LSM12: variants seen among roughly 807,000 people sequenced by gnomAD.
LSM12 encodes protein LSM12.
For missense variants in LSM12, 108 were observed against 238.9 expected, an observed-to-expected ratio of 0.45 and a Z score of 3.61; for synonymous variants, 74 against 87.3, an observed-to-expected ratio of 0.85 and a Z score of 0.85.
chr17:44,059,945 AC>A (rs1165625563), intron 2 of LSM12, among the ~76,000 whole-genome samples: 2 of 152,142 alleles, frequency 1.3e-5, no homozygotes, highest in Admixed American at 1.3e-4. Flanking sequence ...CGGGCGGATC[AC>A]AAGGTCAGGA....
chr17:44,046,759 C>A (rs796208842), intron 2 of LSM12, among the ~76,000 whole-genome samples: 1 of 68,386 alleles, frequency 1.5e-5, no homozygotes, highest in Admixed American at 2.0e-4. Context: ...TTTTTTTTTT[C>A]TTTTTTTTTT....
chr17:44,050,109 A>AT (rs1462317375), intron 2 of LSM12, among the ~76,000 whole-genome samples: 2 of 151,686 alleles, frequency 1.3e-5, no homozygotes, highest in Admixed American at 6.6e-5. Flanking sequence ...TTTTATTTTT[A>AT]TTTTTTTGAG....
intron 2 of LSM12, among the ~76,000 whole-genome samples, chr17:44,059,152 G>A (rs1359813162): frequency 5.3e-5 from 8 of 152,040 alleles, no homozygotes; most frequent in African/African-American, 1.9e-4. Flanking sequence ...CTGGTCAACA[G>A]AATGAGACTA....
chr17:44,063,527 T>G (rs1454555737), intron 2 of LSM12, among the ~76,000 whole-genome samples: 1 of 152,134 alleles, frequency 6.6e-6, no homozygotes. Context: ...GCACTATTAG[T>G]TCATCATGAA....
intron 2 of LSM12, among the ~76,000 whole-genome samples, chr17:44,058,612 C>A (rs930265907): frequency 1.3e-5 from 2 of 152,068 alleles, no homozygotes; most frequent in Non-Finnish European, 2.9e-5. Flanking sequence ...GCGGGTGGAT[C>A]ATGAGGTCAG....
intron 2 of LSM12, among the ~76,000 whole-genome samples, chr17:44,051,991 C>T (rs1308881521): frequency 6.6e-6 from 1 of 151,986 alleles, no homozygotes; most frequent in African/African-American, 2.4e-5. Flanking sequence ...GCCTGTAATC[C>T]CAGCTACCTG....
intron 2 of LSM12, among the ~76,000 whole-genome samples, chr17:44,054,266 C>T (rs1301267198): frequency 6.6e-6 from 1 of 152,118 alleles, no homozygotes; most frequent in African/African-American, 2.4e-5. Flanking sequence ...TCAGGTTGAC[C>T]CCAAAGATTG....
intron 3 of LSM12, among the ~76,000 whole-genome samples, chr17:44,038,355 C>G (rs1217836766): frequency 1.6e-5 from 1 of 61,828 alleles, no homozygotes; most frequent in Non-Finnish European, 3.5e-5. Context: ...GACCCTGTCT[C>G]AAAAAAAAAA....
At chr17:44,062,789 G>A (rs960491315) in intron 2 of LSM12, among the ~76,000 whole-genome samples, 1 of 151,904 alleles carries the variant, frequency 6.6e-6, no homozygotes, top group Non-Finnish European at 1.5e-5. Context: ...TTGGGAGGCC[G>A]AGGCAAGCAG....
At position 44,040,230 on chromosome 17, in the gene LSM12, C is replaced by T. The variant is rs1440839942; in HGVS notation, c.285G>A (p.Lys95=). The T allele has an allele frequency of 6.2e-7, 1 of 1,613,818 alleles. No homozygotes were observed. The highest frequency in any genetic ancestry group is 8.5e-7 in the Non-Finnish European group (1 of 1,179,878). ...CATAGGCCTGGCTCAGCTTCTCCTC[C>T]TTCTCTGTCCGTGCTTTGCTGGCAA... ...SKLASKARTE[K]EEKLSQAYAI... is the part of the protein sequence containing the mutation. The change falls in exon 3 of 5, where the codon AAG becomes AAA. Residue 95 remains lysine (K), a synonymous_variant. Coordinates refer to ENST00000293406, the MANE Select transcript of LSM12 (RefSeq NM_001371445.1).
At chr17:44,066,414 A>G in intron 1 of LSM12, 50 bp downstream of exon 1, 1 of 1,495,574 alleles carries the variant, frequency 6.7e-7, no homozygotes. Flanking sequence ...CCCCCCGACC[A>G]CCGCACCTAC....
In LSM12 at chr17:44,050,753, G is replaced by A. The variant is rs111826284; in HGVS notation, c.259-10497C>T. On this transcript the variant is annotated intron_variant, in intron 2 of 4. Transcript: ENST00000293406. ...CCAAGCTGGTCTCGAACCCCTGACC[G>A]CAAGTGATCTGCCCGCTTCAGCCTC... 1.6e-4 allele frequency among the ~76,000 whole-genome samples: 25 copies of A among 151,558 alleles called. 1 individual carries two copies. The highest frequency in any genetic ancestry group is 5.1e-4 in the African/African-American group (21 of 41,364).
At chr17:44,067,070 CG>C (rs1361423177), upstream of LSM12, among the ~76,000 whole-genome samples, 1 of 152,156 alleles carries the variant, frequency 6.6e-6, no homozygotes, top group Admixed American at 6.5e-5. Context: ...GAGGCCGAGG[CG>C]GGTGGATCAC....
At chr17:44,039,065 T>G (rs1353425379) in intron 3 of LSM12, among the ~76,000 whole-genome samples, 1 of 152,100 alleles carries the variant, frequency 6.6e-6, no homozygotes, top group Non-Finnish European at 1.5e-5. Flanking sequence ...GACAAAATGT[T>G]TTTTTTTGAG....
intron 4 of LSM12, chr17:44,037,091 G>A (rs1020294331): frequency 1.1e-5 from 2 of 182,580 alleles, no homozygotes; most frequent in East Asian, 2.7e-4. Context: ...GCGACAGAGC[G>A]AGACTCTGTC....
Position 44,063,205 on chromosome 17 carries a change from G to A in LSM12, c.258+596C>T, listed in dbSNP as rs896429480. Among the ~76,000 whole-genome samples, 19 of 152,048 alleles carry A rather than the reference G, an allele frequency of 1.2e-4. 1 individual carries two copies. Among genetic ancestry groups the A allele is most frequent in the Admixed American group, 1.3e-4 (2 of 15,256 alleles). ...AGCCCAGGCGTTCAAGTTCAACCTG[G>A]GCAACAAAGCAAGACCCTGTCTCAC... On this transcript the variant is annotated intron_variant, in intron 2 of 4. Coordinates refer to ENST00000293406, the MANE Select transcript of LSM12 (RefSeq NM_001371445.1).
At chr17:44,054,843 T>C (rs957521168) in intron 2 of LSM12, among the ~76,000 whole-genome samples, 4 of 151,244 alleles carry the variant, frequency 2.6e-5, no homozygotes, top group Non-Finnish European at 4.4e-5. Flanking sequence ...TTTTCTTTTT[T>C]TTTTTTTAAT....
chr17:44,053,031 G>A (rs2049667172), intron 2 of LSM12, among the ~76,000 whole-genome samples: 1 of 152,044 alleles, frequency 6.6e-6, no homozygotes, highest in Non-Finnish European at 1.5e-5. Flanking sequence ...GTTCTAAATT[G>A]CAGAGGTGGA....
intron 1 of LSM12, 144 bp from the exon 2 acceptor site, chr17:44,064,078 C>A: frequency 2.3e-6 from 2 of 879,306 alleles, no homozygotes; most frequent in Non-Finnish European, 1.7e-6. Context: ...TCACGGTTCT[C>A]CTCAGGAAAT....
Sources: gnomAD v4.1 joint callset for allele counts (sites outside exome capture counted in the v4.1 genomes callset) on GRCh38, gnomAD v4.1.1 for gene constraint, MANE v1.5 for transcripts, NCBI Gene and HGNC (gene_info 2026-07-23, HGNC 2026-07-21) for gene names.